DOCK4: variants seen among roughly 807,000 people sequenced by gnomAD.
The protein encoded by DOCK4 is dedicator of cytokinesis protein 4.
Under a neutral mutation model 268.1 loss-of-function variants are expected in DOCK4, and 97 were observed. The observed-to-expected ratio is 0.36, with a 90% CI of 0.31 to 0.43. DOCK4 has a LOEUF of 0.43. Among genes scored for constraint, DOCK4 ranks in the 20% least tolerant of loss-of-function variants. The probability of loss-of-function intolerance (pLI) is 1.00; values close to 1 mark genes in which losing one functional copy is unlikely to be tolerated. For missense variants in DOCK4, 2,145 were observed against 2,455.7 expected (o/e 0.87, Z 2.67); for synonymous variants, 954 against 887.2 (o/e 1.08, Z -1.34).
intron 1 of DOCK4, among the ~76,000 whole-genome samples, chr7:112,182,025 T>A (rs1415439270): frequency 6.6e-6 from 1 of 152,218 alleles, no homozygotes; most frequent in Non-Finnish European, 1.5e-5. Flanking sequence ...CTGTCAAGTA[T>A]AACATTTAAA....
chr7:112,001,123 G>A (rs1032955594), intron 2 of DOCK4, among the ~76,000 whole-genome samples: 8 of 152,088 alleles, frequency 5.3e-5, no homozygotes, highest in African/African-American at 1.7e-4. Flanking sequence ...AGAATTAACT[G>A]GCACATTTTC....
At chr7:111,854,509 CTTCT>C (rs1393954598) in intron 23 of DOCK4, among the ~76,000 whole-genome samples, 1 of 152,186 alleles carries the variant, frequency 6.6e-6, no homozygotes, top group East Asian at 1.9e-4. Context: ...AAAGCCCTTC[CTTCT>C]TTAACTCGGT....
chr7:112,137,145 C>T (rs1814435347), intron 1 of DOCK4, among the ~76,000 whole-genome samples: 1 of 152,120 alleles, frequency 6.6e-6, no homozygotes, highest in East Asian at 1.9e-4. Context: ...CAAATAACTG[C>T]CAACCACATT....
At chr7:112,001,075 C>T (rs774276730) in intron 2 of DOCK4, among the ~76,000 whole-genome samples, 3 of 152,152 alleles carry the variant, frequency 2.0e-5, no homozygotes, top group Non-Finnish European at 2.9e-5. Flanking sequence ...TAAGATCAGT[C>T]TCATATCATA....
chr7:112,015,833 T>C (rs1432437003), intron 1 of DOCK4, among the ~76,000 whole-genome samples: 1 of 152,228 alleles, frequency 6.6e-6, no homozygotes, highest in Non-Finnish European at 1.5e-5. Flanking sequence ...GGCATTGTGC[T>C]AAGAGCCTTT....
At chr7:112,109,858 C>A (rs1238920171) in intron 1 of DOCK4, among the ~76,000 whole-genome samples, 11 of 150,880 alleles carry the variant, frequency 7.3e-5, no homozygotes, top group Non-Finnish European at 1.6e-4. Context: ...CATTCTCCTG[C>A]CTCAGCCTCC....
chr7:111,985,340 C>T (rs1442031625), intron 6 of DOCK4, among the ~76,000 whole-genome samples: 3 of 152,194 alleles, frequency 2.0e-5, no homozygotes, highest in African/African-American at 7.2e-5. Flanking sequence ...TCAACCACCA[C>T]ATCCAAGGCC....
intron 23 of DOCK4, among the ~76,000 whole-genome samples, chr7:111,852,991 T>A (rs973160017): frequency 6.6e-6 from 1 of 152,190 alleles, no homozygotes. Flanking sequence ...ATATTCCACA[T>A]CTCAGATAAA....
chr7:111,956,416 G>A (rs965829966), intron 8 of DOCK4, among the ~76,000 whole-genome samples: 1 of 152,126 alleles, frequency 6.6e-6, no homozygotes, highest in South Asian at 2.1e-4. Flanking sequence ...ATCTTAGAGA[G>A]ATTTTCTTTT....
chr7:111,871,758 T>C (rs945558747), intron 20 of DOCK4, among the ~76,000 whole-genome samples: 1 of 152,224 alleles, frequency 6.6e-6, no homozygotes, highest in Non-Finnish European at 1.5e-5. Context: ...AAAGACTTTA[T>C]ATTTTAGGGC....
chr7:111,789,984 C>T (rs1413147509), intron 31 of DOCK4, among the ~76,000 whole-genome samples: 1 of 152,166 alleles, frequency 6.6e-6, no homozygotes, highest in Non-Finnish European at 1.5e-5. Context: ...TTGGAATTTC[C>T]TCTGTAAGAA....
intron 1 of DOCK4, among the ~76,000 whole-genome samples, chr7:112,057,558 A>T (rs947681799): frequency 2.3e-5 from 3 of 127,968 alleles, no homozygotes; most frequent in Admixed American, 2.2e-4. Context: ...CCCAAAAAAT[A>T]AAAAAAAAAA....
At chr7:112,134,105 T>G (rs904554847) in intron 1 of DOCK4, among the ~76,000 whole-genome samples, 1 of 152,230 alleles carries the variant, frequency 6.6e-6, no homozygotes, top group African/African-American at 2.4e-5. Flanking sequence ...CTTTGAATAC[T>G]TCACTGCATT....
intron 1 of DOCK4, among the ~76,000 whole-genome samples, chr7:112,137,896 G>A (rs953396402): frequency 6.6e-6 from 1 of 152,152 alleles, no homozygotes; most frequent in African/African-American, 2.4e-5. Context: ...GGCTTTCTGT[G>A]TGTGCATTAC....
chr7:112,166,253 T>C (rs945909470), intron 1 of DOCK4, among the ~76,000 whole-genome samples: 3 of 152,158 alleles, frequency 2.0e-5, no homozygotes, highest in African/African-American at 4.8e-5. Flanking sequence ...CAAGAGTGTT[T>C]TGTACTTTTT....
rs980370780 is a variant in DOCK4 at position 111,990,143 on chromosome 7, C to G, written c.316-980G>C. Among the ~76,000 whole-genome samples, 4 of 152,192 alleles carry G rather than the reference C, an allele frequency of 2.6e-5. No homozygotes were observed. The East Asian group carries it at 7.7e-4, about 29-fold the overall frequency. ...TGAGGATTAATGAGTTATTAAAACT[C>G]TGAGAATGATGCCTGGCCCAGAAAA... On this transcript the variant is annotated intron_variant, in intron 5 of 52. Coordinates refer to ENST00000428084, the MANE Select transcript of DOCK4 (RefSeq NM_001363540.2).
intron 1 of DOCK4, among the ~76,000 whole-genome samples, chr7:112,201,267 G>T (rs1467726964): frequency 6.6e-6 from 1 of 152,100 alleles, no homozygotes; most frequent in Non-Finnish European, 1.5e-5. Context: ...AAAGGAACAT[G>T]ATTCCTACCC....
At chr7:111,808,632 G>A (rs1272297440) in intron 30 of DOCK4, 189 bp downstream of exon 30, 1 of 525,218 alleles carries the variant, frequency 1.9e-6, no homozygotes, top group Non-Finnish European at 3.3e-6. Context: ...ACTTTTCTTA[G>A]AGACCAATTT....
chr7:111,888,264 G>T (rs1429211247), intron 16 of DOCK4, among the ~76,000 whole-genome samples: 1 of 147,980 alleles, frequency 6.8e-6, no homozygotes, highest in African/African-American at 2.5e-5. Context: ...TAGGGCTGGG[G>T]ATAGGAGAGG....
Sources: allele counts gnomAD v4.1 joint callset (sites outside exome capture counted in the v4.1 genomes callset), GRCh38; gene constraint gnomAD v4.1.1; transcripts MANE v1.5; gene names NCBI Gene and HGNC (gene_info 2026-07-23, HGNC 2026-07-21).